DDC: variants seen among roughly 807,000 people sequenced by gnomAD.
DDC encodes the protein aromatic-L-amino-acid decarboxylase.
Under a neutral mutation model 60.0 loss-of-function variants are expected in DDC, and 43 were observed. The ratio of observed to expected loss-of-function variants is 0.72; its 90% CI spans 0.56 to 0.92. The LOEUF is 0.92. Ranked by LOEUF, DDC falls within the 40% of genes least tolerant of loss-of-function variation. The pLI, the probability that DDC is intolerant of heterozygous loss-of-function variation, is 0.00. For missense variants in DDC, 573 were observed against 620.2 expected (o/e 0.92, Z 0.81); for synonymous variants, 232 against 234.6 (o/e 0.99, Z 0.10).
Position 50,479,809 on chromosome 7 carries a change from C to T in DDC, c.999G>A (p.Leu333=). The stretch of plus-strand genomic sequence containing the variant: ...TACCTGAATCCTGATGGCTGTGCTT[C>T]AGGTAAGTGGGGTCCAGTCTAAAGG... ...TGAFRLDPTY[L]KHSHQDSGLI... is the part of the protein sequence containing the mutation. Residue 333 remains leucine, a synonymous_variant, in exon 10 of 15, where the codon CTG becomes CTA. Coordinates refer to ENST00000444124, the MANE Select transcript of DDC (RefSeq NM_001082971.2). 2.5e-6 allele frequency: 4 copies of T among 1,613,758 alleles called. No homozygotes were observed. The highest frequency in any genetic ancestry group is 3.4e-6 in the Non-Finnish European group (4 of 1,180,010).
chr7:50,541,985 AAC>A (rs1475998180), intron 2 of DDC, among the ~76,000 whole-genome samples: 7 of 152,064 alleles, frequency 4.6e-5, no homozygotes, highest in African/African-American at 7.2e-5. Context: ...AGAGGGAGCT[AAC>A]ACAGTCTAGG....
At chr7:50,489,778 G>A (rs925218213) in intron 9 of DDC, among the ~76,000 whole-genome samples, 3 of 152,200 alleles carry the variant, frequency 2.0e-5, no homozygotes, top group African/African-American at 7.2e-5. Flanking sequence ...GTACACTGAT[G>A]CAAGACCAGC....
At chr7:50,485,702 T>A (rs768273055) in intron 9 of DDC, among the ~76,000 whole-genome samples, 1 of 152,208 alleles carries the variant, frequency 6.6e-6, no homozygotes, top group Non-Finnish European at 1.5e-5. Flanking sequence ...TTAAGGTAGA[T>A]CACGTTACTG....
chr7:50,548,417 A>G (rs2044875968), intron 1 of DDC, among the ~76,000 whole-genome samples: 1 of 152,254 alleles, frequency 6.6e-6, no homozygotes, highest in Non-Finnish European at 1.5e-5. Context: ...TTAGAAGTAT[A>G]ACTCCAGTGA....
chr7:50,537,035 TTG>T (rs1475801190), intron 4 of DDC, among the ~76,000 whole-genome samples: 12 of 56,404 alleles, frequency 2.1e-4, no homozygotes, highest in East Asian at 1.3e-3. Flanking sequence ...TGCTAGGAAG[TTG>T]TTTTTTTTTT....
chr7:50,549,527 T>C (rs1019676960), intron 1 of DDC, among the ~76,000 whole-genome samples: 6 of 151,780 alleles, frequency 4.0e-5, no homozygotes, highest in Non-Finnish European at 7.4e-5. Flanking sequence ...GGTGGCGGGC[T>C]CCTGTAGTCC....
intron 6 of DDC, among the ~76,000 whole-genome samples, chr7:50,504,506 C>A (rs948813448): frequency 3.3e-5 from 5 of 150,182 alleles, no homozygotes; most frequent in Admixed American, 2.0e-4. Flanking sequence ...TTCTTATATT[C>A]CATATATACA....
At chr7:50,557,092 GA>G (rs1339173022) in intron 1 of DDC, among the ~76,000 whole-genome samples, 1 of 152,206 alleles carries the variant, frequency 6.6e-6, no homozygotes, top group Non-Finnish European at 1.5e-5. Flanking sequence ...CTCTTCTCCT[GA>G]GGTAGCATAA....
At chr7:50,467,673 T>C (rs1234660938) in intron 12 of DDC, among the ~76,000 whole-genome samples, 1 of 152,236 alleles carries the variant, frequency 6.6e-6, no homozygotes. Flanking sequence ...TCCTCTGTGC[T>C]TGAGGTGCCA....
intron 11 of DDC, among the ~76,000 whole-genome samples, chr7:50,471,973 G>A (rs1382188289): frequency 6.6e-6 from 1 of 152,164 alleles, no homozygotes; most frequent in Non-Finnish European, 1.5e-5. Flanking sequence ...ACATTTGGAA[G>A]AATACCAAGG....
intron 8 of DDC, among the ~76,000 whole-genome samples, chr7:50,495,822 G>A (rs1371159166): frequency 6.6e-6 from 1 of 152,108 alleles, no homozygotes; most frequent in African/African-American, 2.4e-5. Flanking sequence ...TGGAATATTT[G>A]GAAAAATCAG....
intron 4 of DDC, among the ~76,000 whole-genome samples, chr7:50,529,827 A>G (rs2044147426): frequency 6.6e-6 from 1 of 152,144 alleles, no homozygotes; most frequent in African/African-American, 2.4e-5. Flanking sequence ...TCCTAATGAC[A>G]CGGGCTGAAT....
chr7:50,478,163 A>G (rs1355879047), intron 10 of DDC, among the ~76,000 whole-genome samples: 1 of 152,118 alleles, frequency 6.6e-6, no homozygotes, highest in East Asian at 1.9e-4. Context: ...CAGAGAGCCA[A>G]GGTTGCACCA....
intron 6 of DDC, among the ~76,000 whole-genome samples, chr7:50,510,666 C>T (rs1231133724): frequency 2.7e-5 from 2 of 73,078 alleles, no homozygotes; most frequent in Non-Finnish European, 5.3e-5. Context: ...GAGACTCCAT[C>T]TCAAAAAAAA....
At chr7:50,494,916 G>GCCTC (rs2043094873) in intron 9 of DDC, among the ~76,000 whole-genome samples, 1 of 152,090 alleles carries the variant, frequency 6.6e-6, no homozygotes, top group Non-Finnish European at 1.5e-5. Context: ...ACCCGCCTCG[G>GCCTC]CCTCCCAAAG....
chr7:50,527,868 A>C (rs1047718272), intron 6 of DDC: 3 of 372,832 alleles, frequency 8.0e-6, no homozygotes, highest in Non-Finnish European at 1.5e-5. Flanking sequence ...GACAAAACAA[A>C]AAAAAAAATG....
chr7:50,474,740 A>G (rs1245221954), intron 11 of DDC, among the ~76,000 whole-genome samples: 1 of 152,254 alleles, frequency 6.6e-6, no homozygotes, highest in Admixed American at 6.5e-5. Context: ...CTTGTTAGTC[A>G]ATACGGAGTT....
chr7:50,479,452 C>T (rs2042718701), intron 10 of DDC, among the ~76,000 whole-genome samples: 1 of 152,236 alleles, frequency 6.6e-6, no homozygotes, highest in Non-Finnish European at 1.5e-5. Context: ...TTATGGCTGT[C>T]ATTATGTTAA....
At chr7:50,508,489 C>A (rs2043461275) in intron 6 of DDC, among the ~76,000 whole-genome samples, 1 of 152,244 alleles carries the variant, frequency 6.6e-6, no homozygotes, top group African/African-American at 2.4e-5. Flanking sequence ...AGGCATCGCC[C>A]TCTGTGGCCC....
Sources: allele counts gnomAD v4.1 joint callset (sites outside exome capture counted in the v4.1 genomes callset), GRCh38; gene constraint gnomAD v4.1.1; transcripts MANE v1.5; gene names NCBI Gene and HGNC (gene_info 2026-07-23, HGNC 2026-07-21).